Variants in ZNF253 observed in about 807,000 individuals in gnomAD.
The protein encoded by ZNF253 is DNA-binding protein.
ZNF253 carries 8 observed loss-of-function variants against 11.9 expected under a neutral mutation model. That is an observed-to-expected ratio of 0.67 (90% CI 0.40 to 1.22). The LOEUF (loss-of-function observed/expected upper bound fraction) is 1.22, where lower values mean the gene tolerates loss of function less well. Ranked by LOEUF, ZNF253 falls within the 50% of genes most tolerant of loss-of-function variation. The pLI is 0.01. For missense variants in ZNF253, 485 were observed against 586.9 expected (o/e 0.83, Z 1.79); for synonymous variants, 194 against 194.9 (o/e 1.00, Z 0.04).
At chr19:19,874,883 G>A (rs976394409) in intron 1 of ZNF253, among the ~76,000 whole-genome samples, 1 of 152,180 alleles carries the variant, frequency 6.6e-6, no homozygotes, top group Non-Finnish European at 1.5e-5. Context: ...CTGCACTCCA[G>A]CCTGGGCGAC....
intron 3 of ZNF253, among the ~76,000 whole-genome samples, chr19:19,886,502 C>A (rs1425682600): frequency 6.6e-6 from 1 of 152,154 alleles, no homozygotes; most frequent in Non-Finnish European, 1.5e-5. Context: ...TGGTGGGACA[C>A]GTTTGGATCA....
chr19:19,866,375 A>G (rs1194382490), intron 1 of ZNF253, among the ~76,000 whole-genome samples: 1 of 152,224 alleles, frequency 6.6e-6, no homozygotes, highest in Non-Finnish European at 1.5e-5. Context: ...TGGTGCCGCA[A>G]AACAACACAA....
intron 1 of ZNF253, among the ~76,000 whole-genome samples, chr19:19,873,085 T>G (rs1004266728): frequency 2.0e-5 from 3 of 152,158 alleles, no homozygotes; most frequent in African/African-American, 7.2e-5. Context: ...GGAATGTGGC[T>G]CTGTGAGATT....
rs2063199481 is a variant in ZNF253 at position 19,885,310 on chromosome 19, CTTT to C, written c.226+5165_226+5167del. Among the ~76,000 whole-genome samples, 10 of 55,164 alleles carry C rather than the reference CTTT, an allele frequency of 1.8e-4. No individual in the cohort carries two copies. In the African/African-American group the frequency reaches 1.9e-3, roughly 11 times the overall value. The allele number at this position is 55,164 out of a possible 152,430, so 36.2% of individuals were successfully genotyped here. ...TTCTTTCTCTTTCTTTTCTTTCTTT[CTTT>C]CTTTCTTTCTTTCTTTCTTTCTTTC... On this transcript the variant is annotated intron_variant, in intron 3 of 3. Transcript: ENST00000589717.
Position 19,880,140 on chromosome 19 carries a change from C to T in ZNF253, c.220C>T (p.Pro74Ser), listed in dbSNP as rs987665521. 1 of 1,603,224 alleles carries T rather than the reference C, an allele frequency of 6.2e-7. No individual in the cohort carries two copies. Among genetic ancestry groups the T allele is most frequent in the South Asian group, 1.1e-5 (1 of 89,590 alleles). Residue 74 changes from proline (P) to serine (S), a missense_variant, in exon 3 of 4, where the codon CCC (proline) becomes TCC (serine). Physicochemically the swap from Pro to Ser is moderately conservative, Grantham distance 74. Transcript: ENST00000589717. ...TMERHEMIAK[P>S]PVMSSHFAQD... ...GGAAAGACATGAGATGATTGCCAAA[C>T]CCCCAGGTAGGTACGAGTGAAAACG...
At chr19:19,872,432 C>G (rs1030419750) in intron 1 of ZNF253, among the ~76,000 whole-genome samples, 12 of 151,582 alleles carry the variant, frequency 7.9e-5, no homozygotes, top group East Asian at 1.9e-4. Context: ...AAATAAAGTG[C>G]AGTTATGTAT....
At chr19:19,879,304 G>A (rs1335036470) in intron 2 of ZNF253, among the ~76,000 whole-genome samples, 1 of 152,074 alleles carries the variant, frequency 6.6e-6, no homozygotes, top group East Asian at 1.9e-4. Context: ...AATGCAATTA[G>A]TATAATATAC....
rs1568499242 is a variant in ZNF253 at position 19,885,338 on chromosome 19, CTTTCTTTCTTTCTTTCTTCCTTTCT to C, written c.226+5204_226+5228del. 0.013 allele frequency among the ~76,000 whole-genome samples: 826 copies of C among 66,068 alleles called. 118 individuals are homozygous for C. In the African/African-American group the frequency reaches 0.13, roughly 10 times the overall value. The allele number at this position is 66,068 out of a possible 152,430, so 43.3% of individuals were successfully genotyped here. A position where few individuals can be genotyped will look rare whatever the true frequency, so the allele number is the denominator to read the frequency against. ...TCTTTCTTTCTTTCTTTCTTTCTTTCTTTCTTTCTTTCTTTCTTCCTTTCTTTTCTTTCTTTTCTTTCTTTTCTTT... is the reference window on the plus strand; with the variant it reads ...TCTTTCTTTCTTTCTTTCTTTCTTTCTTTCTTTCTTTTCTTTCTTTTCTTT... On this transcript the variant is annotated intron_variant, in intron 3 of 3. Transcript: ENST00000589717.
chr19:19,879,942 G>T, intron 2 of ZNF253, 109 bp from the exon 3 acceptor site: 1 of 436,704 alleles, frequency 2.3e-6, no homozygotes, highest in Non-Finnish European at 3.8e-6. Flanking sequence ...TTATTATTTT[G>T]GTATTGATTT....
chr19:19,885,255 C>CTT (rs1179966848), intron 3 of ZNF253, among the ~76,000 whole-genome samples: 1 of 63,532 alleles, frequency 1.6e-5, no homozygotes, highest in Non-Finnish European at 2.5e-5. Context: ...TTCTTTCTTT[C>CTT]TTTCTTTCTT....
In ZNF253 at chr19:19,893,093, T is replaced by C; in HGVS notation, c.*346T>C. On this transcript the variant is annotated 3_prime_UTR_variant, in exon 4 of 4. Coordinates refer to ENST00000589717, the MANE Select transcript of ZNF253 (RefSeq NM_021047.3). ...CCTGGGTTTAAGCCATTCTTCTGCC[T>C]CAGCCTCCCAAGTAGCTGGGATTAC... is the stretch of plus-strand genomic sequence containing the variant. 1 of 200,320 alleles carries C rather than the reference T, an allele frequency of 5.0e-6. No homozygotes were observed. Among genetic ancestry groups the C allele is most frequent in the Non-Finnish European group, 1.0e-5 (1 of 98,880 alleles). The allele number at this position is 200,320 out of a possible 1,614,324, so 12.4% of individuals were successfully genotyped here.
At chr19:19,878,451 A>G in intron 1 of ZNF253, 30 bp from the exon 2 acceptor site, 1 of 1,612,132 alleles carries the variant, frequency 6.2e-7, no homozygotes, top group Non-Finnish European at 8.5e-7. Context: ...CATGCCATTT[A>G]GTAATTATGT....
rs1288292067 is a variant in ZNF253 at position 19,881,517 on chromosome 19, C to T, written c.226+1371C>T. Reference sequence around the variant, plus strand: ...TACAAAAATTCACTGGGCATGGTGGCGCATGCCTGTAATCCCAGCAACTCG... The same window carrying T: ...TACAAAAATTCACTGGGCATGGTGGTGCATGCCTGTAATCCCAGCAACTCG... On this transcript the variant is annotated intron_variant, in intron 3 of 3. Coordinates refer to ENST00000589717, the MANE Select transcript of ZNF253 (RefSeq NM_021047.3). 1.3e-5 allele frequency among the ~76,000 whole-genome samples: 2 copies of T among 151,712 alleles called. 1 individual carries two copies. Among genetic ancestry groups the T allele is most frequent in the South Asian group, 4.2e-4 (2 of 4,808 alleles).
chr19:19,874,634 G>T (rs904398897), intron 1 of ZNF253, among the ~76,000 whole-genome samples: 1 of 151,826 alleles, frequency 6.6e-6, no homozygotes, highest in Non-Finnish European at 1.5e-5. Flanking sequence ...GAAACAGGCC[G>T]GGCGCAGTGG....
chr19:19,866,981 A>G (rs2063114222), intron 1 of ZNF253, among the ~76,000 whole-genome samples: 2 of 152,304 alleles, frequency 1.3e-5, no homozygotes, highest in Non-Finnish European at 2.9e-5. Context: ...AGGAACAAGA[A>G]AGTTAGGCCC....
At chr19:19,870,964 C>T (rs1327658594) in intron 1 of ZNF253, 1 of 152,034 alleles carries the variant, frequency 6.6e-6, no homozygotes, top group Non-Finnish European at 1.5e-5. Flanking sequence ...GATATCTAAC[C>T]TGAGCTTTTT....
rs1431378426 is a variant in ZNF253 at position 19,891,633 on chromosome 19, A to G, written c.386A>G (p.Tyr129Cys). ...VGEHKVHKGG[Y>C]NGLNQCLTTT... ...GAGCATAAGGTGCACAAAGGAGGTT[A>G]TAATGGACTTAACCAATGTTTGACA... is the stretch of plus-strand genomic sequence containing the variant. Residue 129 changes from tyrosine to cysteine, a missense_variant, in exon 4 of 4, where the codon TAT (tyrosine) becomes TGT (cysteine). Coordinates refer to ENST00000589717, the MANE Select transcript of ZNF253 (RefSeq NM_021047.3). The G allele has an allele frequency of 6.2e-7, 1 of 1,614,168 alleles. No individual in the cohort carries two copies. Among genetic ancestry groups the G allele is most frequent in the African/African-American group, 1.3e-5 (1 of 75,066 alleles).
intron 1 of ZNF253, 110 bp from the exon 2 acceptor site, chr19:19,878,370 GC>G: frequency 6.4e-7 from 1 of 1,560,802 alleles, no homozygotes; most frequent in Non-Finnish European, 8.7e-7. Context: ...ATAATTTTAG[GC>G]AGTCCTTTGA....
In ZNF253 at chr19:19,891,674, A is replaced by T. The variant is rs749189123; in HGVS notation, c.427A>T (p.Ile143Leu). 3 of 1,614,126 alleles carry T rather than the reference A, an allele frequency of 1.9e-6. No individual in the cohort carries two copies. The highest frequency in any genetic ancestry group is 1.7e-6 in the Non-Finnish European group (2 of 1,179,996). The change falls in exon 4 of 4, where the codon ATA (isoleucine) becomes TTA (leucine). Residue 143 changes from isoleucine to leucine, a missense_variant. Physicochemically the swap from Ile to Leu is conservative, Grantham distance 5. Coordinates refer to ENST00000589717, the MANE Select transcript of ZNF253 (RefSeq NM_021047.3). ...NQCLTTTQKEIFQCDKYGKVF... is the reference protein window; with the variant it reads ...NQCLTTTQKELFQCDKYGKVF... The stretch of plus-strand genomic sequence containing the variant: ...ATGTTTGACAACTACCCAGAAAGAA[A>T]TATTTCAATGTGATAAATATGGAAA...
Sources: allele counts gnomAD v4.1 joint callset (sites outside exome capture counted in the v4.1 genomes callset), GRCh38; gene constraint gnomAD v4.1.1; transcripts MANE v1.5; gene names NCBI Gene and HGNC (gene_info 2026-07-23, HGNC 2026-07-21).